Variants in APC observed in about 807,000 individuals in gnomAD.
APC encodes the protein APC regulator of Wnt signaling pathway.
Under a neutral mutation model 247.0 loss-of-function variants are expected in APC, and 72 were observed. The ratio of observed to expected loss-of-function variants is 0.29; its 90% CI spans 0.24 to 0.35. The LOEUF is 0.35. Among genes scored for constraint, APC ranks in the 10% least tolerant of loss-of-function variants. APC has a pLI of 1.00. For missense variants in APC, 3,400 were observed against 3,360.7 expected (o/e 1.01, Z -0.29); for synonymous variants, 1,254 against 1,162.5 (o/e 1.08, Z -1.60).
chr5:112,759,986 A>G (rs950797689), intron 2 of APC, among the ~76,000 whole-genome samples: 2 of 152,202 alleles, frequency 1.3e-5, no homozygotes, highest in Admixed American at 1.3e-4. Flanking sequence ...AAATACAAAA[A>G]TCATACTTTT....
intron 4 of APC, among the ~76,000 whole-genome samples, chr5:112,772,293 A>G (rs1446224476): frequency 1.3e-5 from 2 of 152,142 alleles, no homozygotes; most frequent in Non-Finnish European, 2.9e-5. Flanking sequence ...TCTGAGCCTT[A>G]TGAACTGCTG....
At chr5:112,743,763 T>C (rs897150495) in intron 1 of APC, among the ~76,000 whole-genome samples, 4 of 152,216 alleles carry the variant, frequency 2.6e-5, no homozygotes, top group Non-Finnish European at 2.9e-5. Flanking sequence ...GTCATTGTCT[T>C]ACCAGTCATT....
chr5:112,792,544 TTTC>T lies in APC; in HGVS notation c.729+18_729+20del. On this transcript the variant is annotated intron_variant, in intron 7 of 15. Transcript: ENST00000257430. The stretch of plus-strand genomic sequence containing the variant: ...CAGAAGCAGAGGTTAGTAAATTGCC[TTTC>T]TTGTTTGTGGGTATAAAAATAGGTA... 1 of 1,601,108 alleles carries T rather than the reference TTTC, an allele frequency of 6.2e-7. No homozygotes were observed. Among genetic ancestry groups the T allele is most frequent in the Non-Finnish European group, 8.6e-7 (1 of 1,168,958 alleles).
intron 2 of APC, among the ~76,000 whole-genome samples, chr5:112,757,791 A>G (rs531071925): frequency 1.3e-5 from 2 of 152,214 alleles, no homozygotes; most frequent in Non-Finnish European, 2.9e-5. Context: ...TAGTGGCAAA[A>G]GAGGACACTG....
In APC at chr5:112,792,539, T is replaced by C; in HGVS notation, c.729+10T>C. The C allele has an allele frequency of 6.2e-7, 1 of 1,604,460 alleles. No homozygotes were observed. Among genetic ancestry groups the C allele is most frequent in the Non-Finnish European group, 8.5e-7 (1 of 1,171,938 alleles). ...AGCAACAGAAGCAGAGGTTAGTAAA[T>C]TGCCTTTCTTGTTTGTGGGTATAAA... On this transcript the variant is annotated intron_variant, in intron 7 of 15. Coordinates refer to ENST00000257430, the MANE Select transcript of APC (RefSeq NM_000038.6).
intron 8 of APC, among the ~76,000 whole-genome samples, chr5:112,801,698 T>C (rs529710317): frequency 3.9e-5 from 6 of 152,282 alleles, no homozygotes; most frequent in Admixed American, 3.9e-4. Context: ...CTAGTTATTT[T>C]TGCTTGCCTT....
chr5:112,829,019 C>CT (rs750436630), intron 14 of APC, 47 bp downstream of exon 14: 145 of 1,288,164 alleles, frequency 1.1e-4, no homozygotes, highest in Non-Finnish European at 1.4e-4. Flanking sequence ...TCATGTTTGG[C>CT]TTTTTTTTGC....
chr5:112,808,362 A>G (rs1357568579), intron 8 of APC, among the ~76,000 whole-genome samples: 4 of 152,192 alleles, frequency 2.6e-5, no homozygotes, highest in African/African-American at 9.7e-5. Flanking sequence ...TATCTGTTCT[A>G]ATCTGTATGT....
intron 6 of APC, among the ~76,000 whole-genome samples, chr5:112,782,769 A>G (rs1758489962): frequency 1.3e-5 from 2 of 152,180 alleles, no homozygotes; most frequent in South Asian, 4.1e-4. Context: ...AAGACCAATA[A>G]GTTTACTGTA....
intron 1 of APC, among the ~76,000 whole-genome samples, chr5:112,743,287 G>A (rs531622376): frequency 1.9e-4 from 29 of 152,120 alleles, no homozygotes; most frequent in African/African-American, 6.8e-4. Context: ...AGGAAAATCA[G>A]CTTCAAGATC....
At chr5:112,757,546 A>G (rs113987461) in intron 2 of APC, among the ~76,000 whole-genome samples, 151 of 152,322 alleles carry the variant, frequency 9.9e-4, no homozygotes, top group African/African-American at 3.3e-3. Flanking sequence ...CAGCCTGGGC[A>G]ACATGGCAAG....
chr5:112,744,820 A>G (rs1753458779), intron 1 of APC, among the ~76,000 whole-genome samples: 2 of 152,252 alleles, frequency 1.3e-5, no homozygotes, highest in African/African-American at 4.8e-5. Context: ...TAGATTGTGA[A>G]CACCAGACAG....
intron 8 of APC, among the ~76,000 whole-genome samples, chr5:112,808,280 A>C (rs377596127): frequency 2.3e-4 from 35 of 152,312 alleles, no homozygotes; most frequent in African/African-American, 7.0e-4. Flanking sequence ...TTGTTTCATA[A>C]ATGTCTTTTT....
At chr5:112,771,764 G>T (rs983537651) in intron 4 of APC, among the ~76,000 whole-genome samples, 3 of 151,964 alleles carry the variant, frequency 2.0e-5, no homozygotes, top group African/African-American at 7.2e-5. Flanking sequence ...TTACTTCTTT[G>T]ATGATTTTCC....
chr5:112,784,562 T>C lies in APC; in HGVS notation c.645+3659T>C, dbSNP rs1371609997. Among the ~76,000 whole-genome samples, 3 of 152,334 alleles carry C rather than the reference T, an allele frequency of 2.0e-5. No individual in the cohort carries two copies. In the South Asian group the frequency reaches 6.2e-4, roughly 32 times the overall value. ...ATATTTTAAATTATTAAATGAATAG[T>C]ATGCAAGCTATTATAAAATACCATA... On this transcript the variant is annotated intron_variant, in intron 6 of 15. Coordinates refer to ENST00000257430, the MANE Select transcript of APC (RefSeq NM_000038.6).
chr5:112,740,620 G>C (rs574999185), intron 1 of APC, among the ~76,000 whole-genome samples: 1 of 149,692 alleles, frequency 6.7e-6, no homozygotes, highest in African/African-American at 2.5e-5. Context: ...CAACCTCGCA[G>C]GCTCAAGTGA....
chr5:112,821,282 C>T (rs759245434), intron 10 of APC, among the ~76,000 whole-genome samples: 3 of 152,092 alleles, frequency 2.0e-5, no homozygotes, highest in South Asian at 2.1e-4. Context: ...CGGGCAGGAG[C>T]GGCACTTGAG....
At chr5:112,824,027 A>G (rs1285934581) in intron 11 of APC, among the ~76,000 whole-genome samples, 1 of 152,248 alleles carries the variant, frequency 6.6e-6, no homozygotes. Context: ...AATGGTGACT[A>G]TCTAAACCAA....
intron 1 of APC, among the ~76,000 whole-genome samples, chr5:112,709,827 C>T (rs1031253927): frequency 1.3e-5 from 2 of 152,132 alleles, no homozygotes; most frequent in Admixed American, 6.5e-5. Flanking sequence ...ATTGTTGGAG[C>T]CCGGGATGTG....
Sources: allele counts gnomAD v4.1 joint callset (sites outside exome capture counted in the v4.1 genomes callset), GRCh38; gene constraint gnomAD v4.1.1; transcripts MANE v1.5; gene names NCBI Gene and HGNC (gene_info 2026-07-23, HGNC 2026-07-21).